LMO3: variants seen among roughly 807,000 people sequenced by gnomAD.
LMO3 encodes LIM domain only protein 3.
Under a neutral mutation model 15.8 loss-of-function variants are expected in LMO3, and 2 were observed. The ratio of observed to expected loss-of-function variants is 0.13; its 90% CI spans 0.05 to 0.40. The LOEUF (loss-of-function observed/expected upper bound fraction) is 0.40, where lower values mean the gene tolerates loss of function less well. LMO3 is among the 10% of genes least tolerant of loss of function. The pLI is 0.99. For missense variants in LMO3, 86 were observed against 182.2 expected (o/e 0.47, Z 3.04); for synonymous variants, 62 against 63.8 (o/e 0.97, Z 0.13).
At chr12:16,558,510 C>A (rs1447976843) in intron 3 of LMO3, among the ~76,000 whole-genome samples, 1 of 152,056 alleles carries the variant, frequency 6.6e-6, no homozygotes, top group Non-Finnish European at 1.5e-5. Flanking sequence ...ATAAAGGTGT[C>A]TGTATGGATG....
chr12:16,607,429 G>A (rs1000874717), upstream of LMO3: 1 of 83,270 alleles, frequency 1.2e-5, no homozygotes, highest in Non-Finnish European at 2.4e-5. Flanking sequence ...GGCCTTGACA[G>A]ATTTTTTTTT....
chr12:16,572,339 C>CTTTTTTTTTTTTTT (rs59773866), intron 2 of LMO3, among the ~76,000 whole-genome samples: 2 of 89,530 alleles, frequency 2.2e-5, no homozygotes, highest in Non-Finnish European at 2.1e-5. Context: ...GGTCCAAACT[C>CTTTTTTTTTTTTTT]TTTTTTTTTT....
intron 2 of LMO3, among the ~76,000 whole-genome samples, chr12:16,574,299 A>T (rs770553495): frequency 3.3e-5 from 5 of 152,188 alleles, no homozygotes; most frequent in Middle Eastern, 3.2e-3. Context: ...TTGCAGATGC[A>T]GGATGTCTGA....
At chr12:16,573,072 G>GA (rs1942872220) in intron 2 of LMO3, among the ~76,000 whole-genome samples, 2 of 151,470 alleles carry the variant, frequency 1.3e-5, no homozygotes, top group South Asian at 2.1e-4. Flanking sequence ...TAAAAGGAAA[G>GA]AAAAAATACC....
At chr12:16,594,131 G>C in intron 2 of LMO3, 2 of 1,531,900 alleles carry the variant, frequency 1.3e-6, no homozygotes, top group Non-Finnish European at 1.7e-6. Flanking sequence ...AAGTTTTAAA[G>C]CTTACCAAGC....
upstream of LMO3, chr12:16,607,493 G>C (rs1481286288): frequency 1.3e-5 from 2 of 150,346 alleles, no homozygotes; most frequent in Non-Finnish European, 2.9e-5. Context: ...ACTTTCCTTG[G>C]CATCTATAAA....
rs1943263475 is a variant in LMO3 at position 16,584,682 on chromosome 12, A to G, written c.206+15973T>C. On this transcript the variant is annotated intron_variant, in intron 2 of 3. Transcript: ENST00000537304. This position sits in a 1 kb window ranked among gnomAD's most constrained non-coding sequence, Gnocchi z 5.2. ...GAAAATATCCCACTTAAGTCCAAAC[A>G]TATTGCAATGGCTGCCATGAAGTTC... 6.6e-6 allele frequency among the ~76,000 whole-genome samples: 1 copy of G among 152,126 alleles called. No homozygotes were observed. The highest frequency in any genetic ancestry group is 2.1e-4 in the South Asian group (1 of 4,826).
At chr12:16,572,450 A>C (rs1181252556) in intron 2 of LMO3, among the ~76,000 whole-genome samples, 1 of 145,992 alleles carries the variant, frequency 6.8e-6, no homozygotes, top group East Asian at 2.0e-4. Flanking sequence ...CAGAGCTACT[A>C]AGCTATTTCC....
rs762025781 is a variant in LMO3 at position 16,549,701 on chromosome 12, C to A, written c.*1521G>T. 5 of 152,028 alleles carry A rather than the reference C, an allele frequency of 3.3e-5. No homozygotes were observed. Among genetic ancestry groups the A allele is most frequent in the Admixed American group, 3.3e-4 (5 of 15,258 alleles). 9.4% of individuals were successfully genotyped at this position (152,028 alleles called of 1,614,324 possible). A position where few individuals can be genotyped will look rare whatever the true frequency, so the allele number is the denominator to read the frequency against. On this transcript the variant is annotated 3_prime_UTR_variant, in exon 4 of 4. Transcript: ENST00000537304. ...GTAGTGAAAATATGGTTAACGGTGC[C>A]GTGCAAAATTAGATTTGTTGAAAAG...
rs118022977 is a variant in LMO3 at position 16,557,210 on chromosome 12, T to C, written c.332+3203A>G. Among the ~76,000 whole-genome samples the C allele has an allele frequency of 9.7e-4, 147 of 152,216 alleles. 1 individual carries two copies. The East Asian group carries it at 0.027, about 28-fold the overall frequency. ...TTTTATTTTCTATGTAGAACATGGA[T>C]AAAATAGGTAACCCTACTTAATAGA... On this transcript the variant is annotated intron_variant, in intron 3 of 3. Transcript: ENST00000537304.
rs1245869275 is a variant in LMO3 at position 16,604,592 on chromosome 12, A to C, written c.-9+1474T>G. 2.0e-5 allele frequency: 10 copies of C among 494,846 alleles called. No individual in the cohort carries two copies. Among genetic ancestry groups the C allele is most frequent in the Non-Finnish European group, 1.1e-5 (3 of 280,726 alleles). 30.7% of individuals were successfully genotyped at this position (494,846 alleles called of 1,614,324 possible). ...AAAAAAAAATAAGAAACATACATACACTCTAACAAAGAATCCCTTGCGGAG... is the reference window on the plus strand; with the variant it reads ...AAAAAAAAATAAGAAACATACATACCCTCTAACAAAGAATCCCTTGCGGAG... On this transcript the variant is annotated intron_variant, in intron 1 of 3. Coordinates refer to ENST00000537304, the MANE Select transcript of LMO3 (RefSeq NM_018640.5). This position sits in a 1 kb window ranked among gnomAD's most constrained non-coding sequence, Gnocchi z 5.3.
At chr12:16,556,266 T>C (rs558156469) in intron 3 of LMO3, among the ~76,000 whole-genome samples, 1 of 152,192 alleles carries the variant, frequency 6.6e-6, no homozygotes, top group South Asian at 2.1e-4. Flanking sequence ...ACCTGTTATA[T>C]AGAATCTTCC....
In LMO3 at chr12:16,591,479, C is replaced by G. The variant is rs1428562519; in HGVS notation, c.206+9176G>C. On this transcript the variant is annotated intron_variant, in intron 2 of 3. Coordinates refer to ENST00000537304, the MANE Select transcript of LMO3 (RefSeq NM_018640.5). The surrounding 1 kb of genome is among the most constrained non-coding windows in gnomAD (Gnocchi z 4.1). ...TGCCCTATACTTATTTTGTTGATTA[C>G]CTATTTCCCCTAAGTAGAATATAAA... 6.6e-6 allele frequency among the ~76,000 whole-genome samples: 1 copy of G among 151,898 alleles called. No homozygotes were observed. The highest frequency in any genetic ancestry group is 2.4e-5 in the African/African-American group (1 of 41,356).
At chr12:16,605,630 A>C (rs1463103064) in intron 1 of LMO3, 1 of 856,852 alleles carries the variant, frequency 1.2e-6, no homozygotes, top group Non-Finnish European at 1.8e-6. Flanking sequence ...CCCACCCAGG[A>C]CTGAATTCTT....
chr12:16,577,704 T>A (rs917382574), intron 2 of LMO3, among the ~76,000 whole-genome samples: 1 of 152,066 alleles, frequency 6.6e-6, no homozygotes. Flanking sequence ...AGAGGAGAAT[T>A]TTTTTCCTTA....
At chr12:16,573,920 C>T (rs1220114595) in intron 2 of LMO3, 1 of 151,964 alleles carries the variant, frequency 6.6e-6, no homozygotes, top group African/African-American at 2.4e-5. Context: ...CCTGATAGGC[C>T]CTCACTCTAT....
chr12:16,563,997 C>T (rs1276729187), intron 2 of LMO3, among the ~76,000 whole-genome samples: 1 of 152,082 alleles, frequency 6.6e-6, no homozygotes, highest in African/African-American at 2.4e-5. Context: ...TTGTTTCTGA[C>T]ACACTTCCAA....
At position 16,604,018 on chromosome 12, in the gene LMO3, G is replaced by T. The variant is rs534089564; in HGVS notation, c.-9+2048C>A. Among the ~76,000 whole-genome samples the T allele has an allele frequency of 9.2e-5, 14 of 152,292 alleles. No homozygotes were observed. Among genetic ancestry groups the T allele is most frequent in the African/African-American group, 3.4e-4 (14 of 41,558 alleles). ...GGGTTGGAAGAGATGAGGTGCTTCA[G>T]AAAGATGCTAAAATGGGAATGCAGG... On this transcript the variant is annotated intron_variant, in intron 1 of 3. Transcript: ENST00000537304. The surrounding 1 kb of genome is among the most constrained non-coding windows in gnomAD (Gnocchi z 5.3).
rs746996978 is a variant in LMO3, at chr12:16,584,850, G to C, written c.206+15805C>G. Among the ~76,000 whole-genome samples, 2 of 152,130 alleles carry C rather than the reference G, an allele frequency of 1.3e-5. No individual in the cohort carries two copies. Among genetic ancestry groups the C allele is most frequent in the Non-Finnish European group, 1.5e-5 (1 of 68,026 alleles). ...TGGTATACATTGGATGAAGGGCTCT[G>C]ATCCTCTCTTCAAGAATTCAGGATG... is the stretch of plus-strand genomic sequence containing the variant. On this transcript the variant is annotated intron_variant, in intron 2 of 3. Transcript: ENST00000537304. This position sits in a 1 kb window ranked among gnomAD's most constrained non-coding sequence, Gnocchi z 5.2.
Sources: allele counts gnomAD v4.1 joint callset (sites outside exome capture counted in the v4.1 genomes callset), GRCh38; gene constraint gnomAD v4.1.1; non-coding constraint Gnocchi (gnomAD v3.1); transcripts MANE v1.5; gene names NCBI Gene and HGNC (gene_info 2026-07-23, HGNC 2026-07-21).